Variants in PLA2G6 observed in about 807,000 individuals in gnomAD.
PLA2G6 encodes the protein phospholipase A2 group VI.
In PLA2G6, 62 loss-of-function variants were observed where a neutral mutation model predicts 83.8. The ratio of observed to expected loss-of-function variants is 0.74; its 90% CI spans 0.60 to 0.91. PLA2G6 has a LOEUF of 0.91. Ranked by LOEUF, PLA2G6 falls within the 40% of genes least tolerant of loss-of-function variation. The pLI, the probability that PLA2G6 is intolerant of heterozygous loss-of-function variation, is 0.00. For missense variants in PLA2G6, 944 were observed against 1,102.0 expected, an observed-to-expected ratio of 0.86 and a Z score of 2.03; for synonymous variants, 417 against 449.8, an observed-to-expected ratio of 0.93 and a Z score of 0.92.
At chr22:38,125,005 A>C (rs572501225) in intron 10 of PLA2G6, among the ~76,000 whole-genome samples, 21 of 152,324 alleles carry the variant, frequency 1.4e-4, no homozygotes, top group Admixed American at 3.9e-4. Flanking sequence ...CGCTCCAGGC[A>C]GGGTTCTGAG....
chr22:38,157,153 A>G (rs1019678830), intron 2 of PLA2G6, among the ~76,000 whole-genome samples: 1 of 152,108 alleles, frequency 6.6e-6, no homozygotes, highest in African/African-American at 2.4e-5. Context: ...GAAACAAAAC[A>G]ATACAAAAGA....
At chr22:38,173,085 C>T (rs1179307663) in intron 1 of PLA2G6, among the ~76,000 whole-genome samples, 1 of 152,190 alleles carries the variant, frequency 6.6e-6, no homozygotes, top group East Asian at 1.9e-4. Context: ...ACGGCATTGC[C>T]AACCAGGAAG....
chr22:38,160,717 C>A (rs1204869255), intron 2 of PLA2G6, among the ~76,000 whole-genome samples: 1 of 152,070 alleles, frequency 6.6e-6, no homozygotes, highest in Non-Finnish European at 1.5e-5. Context: ...TGGTGGCGGG[C>A]ACCTGTAGTC....
intron 1 of PLA2G6, among the ~76,000 whole-genome samples, chr22:38,170,264 C>G (rs188449233): frequency 6.6e-6 from 1 of 151,952 alleles, no homozygotes; most frequent in Non-Finnish European, 1.5e-5. Flanking sequence ...AATGTCCCCC[C>G]TCCTAGATAC....
intron 2 of PLA2G6, among the ~76,000 whole-genome samples, chr22:38,164,956 CTGA>C (rs132963): frequency 0.12 from 17,529 of 151,938 alleles, 1,218 homozygotes; most frequent in African/African-American, 0.18. Flanking sequence ...CAGCAGTGCC[CTGA>C]TGACCCTCCT....
chr22:38,148,959 T>TG (rs1301808557), intron 2 of PLA2G6: 1 of 163,682 alleles, frequency 6.1e-6, no homozygotes, highest in Non-Finnish European at 1.3e-5. Context: ...CTCTGCCTCC[T>TG]GGTTCAAGTG....
chr22:38,151,218 C>A (rs1474256075), intron 2 of PLA2G6, among the ~76,000 whole-genome samples: 4 of 151,176 alleles, frequency 2.6e-5, no homozygotes, highest in Non-Finnish European at 4.4e-5. Context: ...CAGACCTACA[C>A]GAAAGGAAAT....
chr22:38,121,116 G>A (rs1267691050), intron 11 of PLA2G6: 6 of 550,478 alleles, frequency 1.1e-5, no homozygotes, highest in African/African-American at 9.5e-5. Context: ...GGTGGCTCGC[G>A]CCTGTAATCC....
chr22:38,181,328 C>G (rs1288884073), intron 1 of PLA2G6, among the ~76,000 whole-genome samples: 2 of 151,996 alleles, frequency 1.3e-5, no homozygotes, highest in African/African-American at 4.8e-5. Context: ...AGAGGCACCA[C>G]GAAAGGTGGA....
At chr22:38,113,108 T>C (rs2086981883) in intron 15 of PLA2G6, among the ~76,000 whole-genome samples, 1 of 152,104 alleles carries the variant, frequency 6.6e-6, no homozygotes, top group Non-Finnish European at 1.5e-5. Flanking sequence ...AGTCTCATTA[T>C]ATTGCTCAGG....
At chr22:38,153,635 CAA>C (rs1462467837) in intron 2 of PLA2G6, among the ~76,000 whole-genome samples, 31 of 88,086 alleles carry the variant, frequency 3.5e-4, no homozygotes, top group Admixed American at 7.1e-4. Context: ...AACTCCGTCT[CAA>C]AAAAAAAAAA....
At chr22:38,131,650 A>T (rs560070246) in intron 7 of PLA2G6, 2 of 153,958 alleles carry the variant, frequency 1.3e-5, no homozygotes, top group Non-Finnish European at 2.9e-5. Flanking sequence ...TTGGGCAACA[A>T]CATCTCTTCC....
rs2088318263 is a variant in PLA2G6, at chr22:38,132,997, A to G, written c.911T>C (p.Leu304Pro). ...GCTGTTCACGTTGCAGCCCCGTTTC[A>G]GCAGCATGCGGGCCATCTGCGGGAG... Reference protein sequence around the residue: ...AKNAEMARMLLKRGCNVNSTS... With the variant: ...AKNAEMARMLPKRGCNVNSTS... Residue 304 changes from leucine to proline, a missense_variant, in exon 7 of 17, where the codon CTG becomes CCG. By Grantham distance (98) the Leu-to-Pro change is moderately conservative. Coordinates refer to ENST00000332509, the MANE Select transcript of PLA2G6 (RefSeq NM_003560.4). The surrounding 1 kb of genome is among the most constrained non-coding windows in gnomAD (Gnocchi z 5.0). 1 of 1,566,032 alleles carries G rather than the reference A, an allele frequency of 6.4e-7. No homozygotes were observed. Among genetic ancestry groups the G allele is most frequent in the Non-Finnish European group, 8.6e-7 (1 of 1,156,302 alleles).
chr22:38,178,668 C>T (rs953752732), intron 1 of PLA2G6, among the ~76,000 whole-genome samples: 17 of 152,266 alleles, frequency 1.1e-4, no homozygotes, highest in South Asian at 4.1e-4. Flanking sequence ...AGTTCAAGAC[C>T]GGCCTGGCCA....
At chr22:38,177,984 C>T (rs1263122228) in intron 1 of PLA2G6, among the ~76,000 whole-genome samples, 4 of 152,134 alleles carry the variant, frequency 2.6e-5, no homozygotes, top group Non-Finnish European at 5.9e-5. Context: ...ATTCCAAAAG[C>T]CAAGGCCCTC....
At chr22:38,152,880 A>T (rs2089624122) in intron 2 of PLA2G6, among the ~76,000 whole-genome samples, 1 of 152,188 alleles carries the variant, frequency 6.6e-6, no homozygotes, top group African/African-American at 2.4e-5. Context: ...GCTAAGTGAA[A>T]AAGTCAGACT....
intron 2 of PLA2G6, chr22:38,146,789 T>TTTTTTC: frequency 6.6e-6 from 1 of 151,042 alleles, no homozygotes; most frequent in East Asian, 1.9e-4. Flanking sequence ...TTTCTTTTTT[T>TTTTTTC]TTTTTTTGAG....
rs746666741 is a variant in PLA2G6 at position 38,129,565 on chromosome 22, G to A, written c.1078-3C>T. 4 of 1,607,278 alleles carry A rather than the reference G, an allele frequency of 2.5e-6. No homozygotes were observed. The highest frequency in any genetic ancestry group is 3.4e-6 in the Non-Finnish European group (4 of 1,174,004). ...TTGATCATCTCCACGTTGTCTTTCT[G>A]TTGGAGATGGAGAGAGGATAAGACG... On this transcript the variant is annotated splice_polypyrimidine_tract_variant and splice_region_variant and intron_variant, in intron 7 of 16. Transcript: ENST00000332509.
intron 15 of PLA2G6, among the ~76,000 whole-genome samples, chr22:38,113,235 C>A (rs1227245713): frequency 6.6e-6 from 1 of 152,194 alleles, no homozygotes; most frequent in Non-Finnish European, 1.5e-5. Context: ...GGCTTCTACA[C>A]TGCGCTATGT....
Sources: gnomAD v4.1 joint callset for allele counts (sites outside exome capture counted in the v4.1 genomes callset) on GRCh38, gnomAD v4.1.1 for gene constraint, Gnocchi (gnomAD v3.1) non-coding constraint, MANE v1.5 for transcripts, NCBI Gene and HGNC (gene_info 2026-07-23, HGNC 2026-07-21) for gene names.